The following ADAMTSL1 variants were observed in gnomAD, a reference collection of about 807,000 sequenced individuals.
The protein encoded by ADAMTSL1 is ADAMTS-like protein 1.
Under a neutral mutation model 201.8 loss-of-function variants are expected in ADAMTSL1, and 126 were observed. The observed-to-expected ratio is 0.62, with a 90% CI of 0.54 to 0.72. The LOEUF is 0.72. ADAMTSL1 is among the 30% of genes least tolerant of loss of function. The probability of loss-of-function intolerance (pLI) is 0.00; values close to 1 mark genes in which losing one functional copy is unlikely to be tolerated. For synonymous variants in ADAMTSL1, 1,121 were observed against 903.4 expected, an observed-to-expected ratio of 1.24 and a Z score of -4.32; for missense variants, 2,679 against 2,277.8, an observed-to-expected ratio of 1.18 and a Z score of -3.59.
At chr9:18,542,350 A>G (rs1274407006) in intron 3 of ADAMTSL1, among the ~76,000 whole-genome samples, 12 of 152,168 alleles carry the variant, frequency 7.9e-5, no homozygotes, top group Non-Finnish European at 4.4e-5. Context: ...TGACTCAGTC[A>G]TGTTGGCTCT....
At chr9:18,202,017 A>G (rs959144710) in intron 2 of ADAMTSL1, among the ~76,000 whole-genome samples, 3 of 152,176 alleles carry the variant, frequency 2.0e-5, no homozygotes, top group East Asian at 3.9e-4. Flanking sequence ...GAATAATTCA[A>G]TATGATTTGC....
intron 1 of ADAMTSL1, among the ~76,000 whole-genome samples, chr9:18,033,527 A>C (rs908516255): frequency 1.3e-5 from 2 of 152,198 alleles, no homozygotes; most frequent in Non-Finnish European, 2.9e-5. Context: ...CATCTAAAAA[A>C]CTGAAAAAAG....
chr9:18,353,615 C>A (rs1440863013), intron 2 of ADAMTSL1, among the ~76,000 whole-genome samples: 1 of 152,148 alleles, frequency 6.6e-6, no homozygotes, highest in African/African-American at 2.4e-5. Context: ...AAAGCTGTAA[C>A]TTACCTGACT....
In ADAMTSL1 at chr9:18,777,602, C is replaced by A. The variant is rs1821131678; in HGVS notation, c.3373C>A (p.Arg1125Ser). 1.2e-6 allele frequency: 2 copies of A among 1,613,084 alleles called. No homozygotes were observed. Among genetic ancestry groups the A allele is most frequent in the Non-Finnish European group, 1.7e-6 (2 of 1,179,622 alleles). Residue 1125 changes from arginine to serine, a missense_variant, in exon 19 of 29, where the codon CGC (arginine) becomes AGC (serine). Coordinates refer to ENST00000380548, the MANE Select transcript of ADAMTSL1 (RefSeq NM_001040272.6). ...GGACACGCTCCTGAAGCCCTCGGAG[C>A]GCAGGACTTCCCCAGTGACTCTCTC... Reference protein sequence around the residue: ...HQDTLLKPSERRTSPVTLSPH... With the variant: ...HQDTLLKPSESRTSPVTLSPH...
chr9:18,897,005 G>T (rs1410817257), intron 26 of ADAMTSL1, among the ~76,000 whole-genome samples: 2 of 152,168 alleles, frequency 1.3e-5, no homozygotes, highest in Non-Finnish European at 2.9e-5. Flanking sequence ...TGGGGGAGGG[G>T]TAGCCACCAT....
intron 13 of ADAMTSL1, among the ~76,000 whole-genome samples, chr9:18,701,212 C>CTTTTTTTTTTTTTTTTTTTTTTTTTTTTT (rs35537367): frequency 2.3e-5 from 2 of 87,700 alleles, no homozygotes; most frequent in Non-Finnish European, 4.5e-5. Flanking sequence ...CTTTTGGGTT[C>CTTTTTTTTTTTTTTTTTTTTTTTTTTTTT]TTTTTTTTTT....
At chr9:18,810,966 A>G (rs11788996) in intron 20 of ADAMTSL1, among the ~76,000 whole-genome samples, 8,038 of 146,026 alleles carry the variant, frequency 0.055, 349 homozygotes, top group East Asian at 0.2. Context: ...ATAAATCACA[A>G]ACTTGGAGTT....
At position 18,527,692 on chromosome 9, in the gene ADAMTSL1, C is replaced by T. The variant is rs1379668346; in HGVS notation, c.192-5555C>T. ...AATGAGAGACAAATAAAGTATGTAT[C>T]CAGTATATACTAATCTCTTAAGTGA... On this transcript the variant is annotated intron_variant, in intron 2 of 28. Coordinates refer to ENST00000380548, the MANE Select transcript of ADAMTSL1 (RefSeq NM_001040272.6). Among the ~76,000 whole-genome samples the T allele has an allele frequency of 3.3e-5, 5 of 152,134 alleles. No individual in the cohort carries two copies. In the East Asian group the frequency reaches 9.7e-4, roughly 29 times the overall value.
chr9:18,453,228 G>C (rs867389134), intron 2 of ADAMTSL1, among the ~76,000 whole-genome samples: 1 of 152,150 alleles, frequency 6.6e-6, no homozygotes, highest in African/African-American at 2.4e-5. Flanking sequence ...GAGGAGCAAA[G>C]TGCCAGAATG....
chr9:18,660,054 T>C (rs1428734698), intron 8 of ADAMTSL1, among the ~76,000 whole-genome samples: 3 of 152,204 alleles, frequency 2.0e-5, no homozygotes, highest in Non-Finnish European at 4.4e-5. Context: ...ATGTTAGATT[T>C]ACATGTATCT....
At chr9:18,783,414 G>A (rs1235325768) in intron 19 of ADAMTSL1, among the ~76,000 whole-genome samples, 1 of 152,208 alleles carries the variant, frequency 6.6e-6, no homozygotes, top group East Asian at 1.9e-4. Context: ...TTCTACGGTA[G>A]GGACCCATAA....
chr9:18,903,157 A>G (rs1830105759), intron 26 of ADAMTSL1, among the ~76,000 whole-genome samples: 2 of 152,248 alleles, frequency 1.3e-5, no homozygotes, highest in Admixed American at 1.3e-4. Context: ...GTGAGCAGAG[A>G]TCACACCACT....
At chr9:18,052,730 T>C (rs543116618) in intron 1 of ADAMTSL1, among the ~76,000 whole-genome samples, 8 of 152,316 alleles carry the variant, frequency 5.3e-5, no homozygotes, top group African/African-American at 1.7e-4. Flanking sequence ...TTTATTTTAC[T>C]ATTTTAGGAG....
intron 2 of ADAMTSL1, among the ~76,000 whole-genome samples, chr9:18,181,268 A>G (rs1460581525): frequency 1.3e-5 from 2 of 152,212 alleles, no homozygotes; most frequent in African/African-American, 2.4e-5. Context: ...ATGGCAACAA[A>G]AGCCAAAATT....
At chr9:18,473,774 C>G (rs575468687), upstream of ADAMTSL1, 77 of 178,012 alleles carry the variant, frequency 4.3e-4, no homozygotes, top group Non-Finnish European at 5.4e-4. Context: ...CTGTACTTTA[C>G]AAAGCAACAG....
rs375506376 is a variant in ADAMTSL1, at chr9:17,924,790, A to C, written c.87+17868A>C. 6.5e-4 allele frequency among the ~76,000 whole-genome samples: 70 copies of C among 108,080 alleles called. No individual in the cohort carries two copies. In the East Asian group the frequency reaches 0.014, roughly 22 times the overall value. 70.9% of individuals were successfully genotyped at this position (108,080 alleles called of 152,430 possible). On this transcript the variant is annotated intron_variant, in intron 1 of 29. Transcript: ENST00000680146. ...AGGCATTACCATTCAGGACATAGGC[A>C]TGGGCAAGGACTTCATGTCCAAAAC... is the stretch of plus-strand genomic sequence containing the variant.
intron 1 of ADAMTSL1, among the ~76,000 whole-genome samples, chr9:18,066,705 G>A (rs1431891130): frequency 6.6e-6 from 1 of 152,182 alleles, no homozygotes; most frequent in Non-Finnish European, 1.5e-5. Flanking sequence ...CAAAATAGCA[G>A]TGGGTTCAGT....
chr9:17,984,530 T>G (rs145898761), intron 1 of ADAMTSL1, among the ~76,000 whole-genome samples: 1 of 152,250 alleles, frequency 6.6e-6, no homozygotes, highest in African/African-American at 2.4e-5. Flanking sequence ...AATTGACAAG[T>G]TATTTCCAAA....
chr9:18,604,932 G>A (rs1328000240), intron 4 of ADAMTSL1, among the ~76,000 whole-genome samples: 3 of 152,172 alleles, frequency 2.0e-5, no homozygotes, highest in Non-Finnish European at 4.4e-5. Context: ...GAGCATAGCT[G>A]CTGCAACTTT....
Sources: gnomAD v4.1 joint callset for allele counts (sites outside exome capture counted in the v4.1 genomes callset) on GRCh38, gnomAD v4.1.1 for gene constraint, MANE v1.5 for transcripts, NCBI Gene and HGNC (gene_info 2026-07-23, HGNC 2026-07-21) for gene names.